The following SF3B1 variants were observed in gnomAD, a reference collection of about 807,000 sequenced individuals.
The protein encoded by SF3B1 is pre-mRNA processing 10.
SF3B1 carries 12 observed loss-of-function variants against 153.8 expected under a neutral mutation model. The ratio of observed to expected loss-of-function variants is 0.08; its 90% confidence interval spans 0.05 to 0.13. The LOEUF is 0.13. Among genes scored for constraint, SF3B1 ranks in the 10% least tolerant of loss-of-function variants. The pLI, the probability that SF3B1 is intolerant of heterozygous loss-of-function variation, is 1.00. For synonymous variants in SF3B1, 498 were observed against 525.2 expected (o/e 0.95, Z 0.71); for missense variants, 513 against 1,606.1 (o/e 0.32, Z 11.63).
chr2:197,420,622 C>T (rs984935563), intron 3 of SF3B1, 80 bp from the exon 4 acceptor site: 18 of 842,458 alleles, frequency 2.1e-5, no homozygotes, highest in Middle Eastern at 2.3e-4. Flanking sequence ...ATCAGAACAC[C>T]ATAAAGCACA....
At chr2:197,394,421 T>A (rs370856472) in intron 23 of SF3B1, among the ~76,000 whole-genome samples, 16 of 152,268 alleles carry the variant, frequency 1.1e-4, no homozygotes, top group Middle Eastern at 6.8e-3. Flanking sequence ...AAAGTTTAAG[T>A]TTCATTCAAT....
At chr2:197,410,811 T>C (rs2085056914) in intron 6 of SF3B1, among the ~76,000 whole-genome samples, 1 of 152,090 alleles carries the variant, frequency 6.6e-6, no homozygotes, top group African/African-American at 2.4e-5. Context: ...GCCCCACCTA[T>C]GTAATTATAA....
chr2:197,398,346 G>C, intron 21 of SF3B1, 115 bp downstream of exon 21: 1 of 1,143,160 alleles, frequency 8.7e-7, no homozygotes, highest in Non-Finnish European at 1.3e-6. Context: ...ATACTGGATA[G>C]CCTAATCTTT....
At chr2:197,426,556 G>T (rs187624566) in intron 1 of SF3B1, among the ~76,000 whole-genome samples, 9 of 152,196 alleles carry the variant, frequency 5.9e-5, no homozygotes, top group African/African-American at 9.6e-5. Flanking sequence ...GAGGATTTAG[G>T]TAAGAAACAA....
Position 197,428,240 on chromosome 2 carries a change from G to C in SF3B1, c.29-4266C>G, listed in dbSNP as rs12624258. On this transcript the variant is annotated intron_variant, in intron 1 of 24. Transcript: ENST00000335508. ...GGAGGCTGAGGTCAGAGGATGGCTT[G>C]AGCCCAGGAGGCGGAGGTTGCAGTG... Among the ~76,000 whole-genome samples, 7 of 152,236 alleles carry C rather than the reference G, an allele frequency of 4.6e-5. No homozygotes were observed. The East Asian group carries it at 1.2e-3, about 25-fold the overall frequency.
intron 4 of SF3B1, chr2:197,419,829 AACTC>A (rs1214687691): frequency 8.8e-6 from 2 of 226,128 alleles, no homozygotes; most frequent in Non-Finnish European, 1.8e-5. Flanking sequence ...TTGATTGTGA[AACTC>A]ACTCACCTGA....
In SF3B1 at chr2:197,434,994, C is replaced by G; in HGVS notation, c.6G>C (p.Ala2=). M[A]KIAKTHEDIE... ...TACCTTCGTGAGTCTTGGCGATCTTCGCCATTTTGTCCACTCGAACACACA... is the reference window on the plus strand; with the variant it reads ...TACCTTCGTGAGTCTTGGCGATCTTGGCCATTTTGTCCACTCGAACACACA... The change falls in exon 1 of 25, where the codon GCG becomes GCC. Residue 2 remains alanine, a synonymous_variant. Transcript: ENST00000335508. The G allele has an allele frequency of 6.2e-7, 1 of 1,614,274 alleles. No individual in the cohort carries two copies. The highest frequency in any genetic ancestry group is 8.5e-7 in the Non-Finnish European group (1 of 1,180,036).
intron 6 of SF3B1, 65 bp downstream of exon 6, chr2:197,416,676 A>G (rs775541663): frequency 8.3e-5 from 118 of 1,424,808 alleles, no homozygotes; most frequent in Non-Finnish European, 1.1e-4. Context: ...ACCCAAGCAG[A>G]CTAATACAGT....
chr2:197,421,421 T>G (rs2085240492), intron 2 of SF3B1, among the ~76,000 whole-genome samples: 1 of 152,210 alleles, frequency 6.6e-6, no homozygotes, highest in Non-Finnish European at 1.5e-5. Flanking sequence ...TGCATTTAAT[T>G]TTTTCACAGA....
At chr2:197,395,982 A>G (rs1279715107) in intron 23 of SF3B1, 74 bp downstream of exon 23, 3 of 1,336,518 alleles carry the variant, frequency 2.2e-6, no homozygotes, top group South Asian at 1.4e-5. Flanking sequence ...AAGTCATCTA[A>G]TAACTATTTC....
intron 6 of SF3B1, among the ~76,000 whole-genome samples, chr2:197,410,226 A>G (rs2085048156): frequency 6.6e-6 from 1 of 152,192 alleles, no homozygotes; most frequent in East Asian, 1.9e-4. Context: ...AAGCACTGAC[A>G]AAAGTCCCAG....
At position 197,391,866 on chromosome 2, in the gene SF3B1, T is replaced by C. The variant is rs1398399031; in HGVS notation, c.*437A>G. On this transcript the variant is annotated 3_prime_UTR_variant, in exon 25 of 25. Transcript: ENST00000335508. The stretch of plus-strand genomic sequence containing the variant: ...ATAGTTTTTATTCAGCTAACTACTT[T>C]CTATAAACCATGTGACAGAAAATGA... The C allele has an allele frequency of 6.0e-6, 1 of 167,798 alleles. No individual in the cohort carries two copies. The highest frequency in any genetic ancestry group is 2.4e-5 in the African/African-American group (1 of 41,932). The allele number at this position is 167,798 out of a possible 1,614,324, so 10.4% of individuals were successfully genotyped here.
intron 1 of SF3B1, 103 bp downstream of exon 1, chr2:197,434,869 A>C (rs2085498195): frequency 3.9e-6 from 5 of 1,289,346 alleles, no homozygotes; most frequent in Non-Finnish European, 5.6e-6. Flanking sequence ...ACGCGGGCTC[A>C]GCTCCTACGA....
intron 23 of SF3B1, among the ~76,000 whole-genome samples, chr2:197,394,213 T>TTTATTG (rs1325481749): frequency 2.0e-5 from 3 of 152,134 alleles, no homozygotes; most frequent in Non-Finnish European, 4.4e-5. Context: ...ATTTTTCTTT[T>TTTATTG]TTATTGTTAT....
chr2:197,392,476 C>A lies in SF3B1; in HGVS notation c.3757-15G>T, dbSNP rs182874141. 4 of 1,279,772 alleles carry A rather than the reference C, an allele frequency of 3.1e-6. No homozygotes were observed. The Admixed American group carries it at 8.2e-5, about 26-fold the overall frequency. 79.3% of individuals were successfully genotyped at this position (1,279,772 alleles called of 1,614,324 possible). A position where few individuals can be genotyped will look rare whatever the true frequency, so the allele number is the denominator to read the frequency against. ...TGAAACAGACCCTAAAATAATTGAA[C>A]GGTTACATTATTTCAATTTTTAAGA... On this transcript the variant is annotated splice_polypyrimidine_tract_variant and intron_variant, in intron 24 of 24. Coordinates refer to ENST00000335508, the MANE Select transcript of SF3B1 (RefSeq NM_012433.4).
intron 11 of SF3B1, chr2:197,404,831 C>T (rs563586321): frequency 8.4e-4 from 289 of 343,076 alleles, no homozygotes; most frequent in Non-Finnish European, 5.8e-4. Context: ...ACCAATAGTT[C>T]ACTACTATTT....
At position 197,390,577 on chromosome 2, in the gene SF3B1, C is replaced by T. The variant is rs966691428; in HGVS notation, c.*1726G>A. ...GGAGTTACAAATCCAACTTGGAAAC[C>T]CTTAATGCTCACTATCAATTTGTTG... is the stretch of plus-strand genomic sequence containing the variant. On this transcript the variant is annotated 3_prime_UTR_variant, in exon 25 of 25. Transcript: ENST00000335508. 36 of 151,728 alleles carry T rather than the reference C, an allele frequency of 2.4e-4. No homozygotes were observed. The highest frequency in any genetic ancestry group is 8.5e-4 in the African/African-American group (35 of 41,264). The allele number at this position is 151,728 out of a possible 1,614,324, so 9.4% of individuals were successfully genotyped here. A position where few individuals can be genotyped will look rare whatever the true frequency, so the allele number is the denominator to read the frequency against.
rs1253397168 is a variant in SF3B1, at chr2:197,409,915, T to C, written c.759A>G (p.Ile253Met). The stretch of plus-strand genomic sequence containing the variant: ...GTGTGTGGCTAGGTGTAGGATCCCA[T>C]ATTTTTGAGCCTGGGGTTGCTCCAG... ...ETPGATPGSK[I>M]WDPTPSHTPA... The change falls in exon 7 of 25, where the codon ATA becomes ATG. Residue 253 changes from isoleucine (I) to methionine (M), a missense_variant. Physicochemically the swap from Ile to Met is conservative, Grantham distance 10 (BLOSUM62 1). Coordinates refer to ENST00000335508, the MANE Select transcript of SF3B1 (RefSeq NM_012433.4). 20 of 1,614,170 alleles carry C rather than the reference T, an allele frequency of 1.2e-5. No individual in the cohort carries two copies. Among genetic ancestry groups the C allele is most frequent in the Non-Finnish European group, 1.7e-5 (20 of 1,180,036 alleles).
At chr2:197,420,191 C>G (rs965692434) in intron 4 of SF3B1, 1 of 431,452 alleles carries the variant, frequency 2.3e-6, no homozygotes, top group Non-Finnish European at 4.2e-6. Flanking sequence ...TAACCCTTTG[C>G]GTTTCTATGG....
Sources: gnomAD v4.1 joint callset for allele counts (sites outside exome capture counted in the v4.1 genomes callset) on GRCh38, gnomAD v4.1.1 for gene constraint, MANE v1.5 for transcripts, NCBI Gene and HGNC (gene_info 2026-07-23, HGNC 2026-07-21) for gene names.